The following TPCN2 variants were observed in gnomAD, a reference collection of about 807,000 sequenced individuals.
TPCN2 encodes two pore channel protein 2.
In TPCN2, 92 loss-of-function variants were observed where a neutral mutation model predicts 111.4. That is an observed-to-expected ratio of 0.83 (90% confidence interval 0.70 to 0.98). The LOEUF (loss-of-function observed/expected upper bound fraction) is 0.98. TPCN2 is among the 50% of genes least tolerant of loss of function. The pLI is 0.00. For synonymous variants in TPCN2, 405 were observed against 414.5 expected (o/e 0.98, Z 0.28); for missense variants, 995 against 980.1 (o/e 1.02, Z -0.20).
rs139760549 is a variant in TPCN2 at position 69,062,978 on chromosome 11, C to T, written c.641C>T (p.Pro214Leu). The change falls in exon 6 of 25, where the codon CCG becomes CTG. Residue 214 changes from proline (P) to leucine (L), a missense_variant. By Grantham distance (98) the Pro-to-Leu change is moderately conservative. Coordinates refer to ENST00000294309, the MANE Select transcript of TPCN2 (RefSeq NM_139075.4). ...KTLKCIRWSL[P>L]EMASVGLLLA... is the part of the protein sequence containing the mutation. Reference sequence around the variant, plus strand: ...TTGAAATGCATCCGCTGGTCGCTGCCGGAAATGGCCAGGTGGGCTCTTGGT... The same window carrying T: ...TTGAAATGCATCCGCTGGTCGCTGCTGGAAATGGCCAGGTGGGCTCTTGGT... The T allele has an allele frequency of 6.8e-5, 109 of 1,613,766 alleles. No individual in the cohort carries two copies. Among genetic ancestry groups the T allele is most frequent in the Middle Eastern group, 1.6e-4 (1 of 6,080 alleles).
At chr11:69,073,701 G>T (rs1234311860) in intron 13 of TPCN2, among the ~76,000 whole-genome samples, 3 of 152,222 alleles carry the variant, frequency 2.0e-5, no homozygotes, top group African/African-American at 4.8e-5. Flanking sequence ...CACAGGGCTG[G>T]TTCCTCCTGA....
chr11:69,075,122 G>T (rs181524798), intron 13 of TPCN2, among the ~76,000 whole-genome samples: 4 of 152,268 alleles, frequency 2.6e-5, no homozygotes, highest in Admixed American at 2.6e-4. Flanking sequence ...TGGAGGTCCC[G>T]GCGATGCTCT....
At chr11:69,065,528 C>T (rs559321137) in intron 7 of TPCN2, among the ~76,000 whole-genome samples, 3 of 152,180 alleles carry the variant, frequency 2.0e-5, no homozygotes, top group Admixed American at 6.5e-5. Flanking sequence ...GATCCCTGTC[C>T]GAGGCAGGAC....
chr11:69,080,959 G>A (rs533153998), intron 17 of TPCN2, among the ~76,000 whole-genome samples: 12 of 152,266 alleles, frequency 7.9e-5, no homozygotes, highest in African/African-American at 2.9e-4. Flanking sequence ...AGGGTCATGG[G>A]ACAGGAGGTG....
Position 69,067,485 on chromosome 11 carries a change from T to G in TPCN2, c.727-18T>G. The G allele has an allele frequency of 6.2e-7, 1 of 1,609,044 alleles. No homozygotes were observed. The highest frequency in any genetic ancestry group is 1.1e-5 in the South Asian group (1 of 91,044). ...TGGGGACCCAGTGGTGCCCTGGAGC[T>G]GCCGCTTCTGCTCTTAGCAGGATGA... is the stretch of plus-strand genomic sequence containing the variant. On this transcript the variant is annotated intron_variant, in intron 7 of 24. Transcript: ENST00000294309.
chr11:69,085,570 T>G, intron 20 of TPCN2, 101 bp from the exon 21 acceptor site: 1 of 858,124 alleles, frequency 1.2e-6, no homozygotes, highest in Non-Finnish European at 1.9e-6. Context: ...ATTTGTACCT[T>G]CAGGCCAGGC....
At chr11:69,070,550 A>T in intron 9 of TPCN2, 55 bp downstream of exon 9, 1 of 1,363,492 alleles carries the variant, frequency 7.3e-7, no homozygotes, top group South Asian at 1.3e-5. Flanking sequence ...GAGCTCAGGG[A>T]CCGATACACC....
chr11:69,078,230 G>T (rs1481020622), intron 13 of TPCN2, among the ~76,000 whole-genome samples: 1 of 151,904 alleles, frequency 6.6e-6, no homozygotes, highest in Non-Finnish European at 1.5e-5. Flanking sequence ...TCACAACATG[G>T]TTTACTTACA....
At position 69,088,051 on chromosome 11, in the gene TPCN2, C is replaced by A; in HGVS notation, c.*98C>A. 3 of 1,055,258 alleles carry A rather than the reference C, an allele frequency of 2.8e-6. No individual in the cohort carries two copies. Among genetic ancestry groups the A allele is most frequent in the Non-Finnish European group, 4.1e-6 (3 of 733,342 alleles). The allele number at this position is 1,055,258 out of a possible 1,614,324, so 65.4% of individuals were successfully genotyped here. A position where few individuals can be genotyped will look rare whatever the true frequency, so the allele number is the denominator to read the frequency against. The stretch of plus-strand genomic sequence containing the variant: ...GGCGGCCATGCTGTGGCCAGCCAGG[C>A]AGGAAGAGACCTTTCCTCTGACGGA... On this transcript the variant is annotated 3_prime_UTR_variant, in exon 25 of 25. Transcript: ENST00000294309.
At chr11:69,062,286 G>A (rs1855056489) in intron 5 of TPCN2, among the ~76,000 whole-genome samples, 1 of 152,144 alleles carries the variant, frequency 6.6e-6, no homozygotes, top group African/African-American at 2.4e-5. Context: ...CTTCCAACAC[G>A]GGGAGTCAGA....
At chr11:69,054,129 T>TG (rs774896833) in intron 2 of TPCN2, 32 bp downstream of exon 2, 3 of 1,593,820 alleles carry the variant, frequency 1.9e-6, no homozygotes, top group Non-Finnish European at 2.6e-6. Context: ...TGGCCGGGCC[T>TG]GGGGGGTGGC....
At chr11:69,072,894 C>T in intron 12 of TPCN2, 21 bp from the exon 13 acceptor site, 2 of 1,600,858 alleles carry the variant, frequency 1.2e-6, no homozygotes, top group Non-Finnish European at 8.6e-7. Flanking sequence ...CCCCTGCTGA[C>T]CTGTGCTCCT....
In TPCN2 at chr11:69,071,912, C is replaced by T. The variant is rs1255937781; in HGVS notation, c.961-11C>T. 5 of 1,613,270 alleles carry T rather than the reference C, an allele frequency of 3.1e-6. No individual in the cohort carries two copies. The highest frequency in any genetic ancestry group is 1.7e-4 in the Middle Eastern group (1 of 6,058). On this transcript the variant is annotated splice_polypyrimidine_tract_variant and intron_variant, in intron 10 of 24. Transcript: ENST00000294309. Reference sequence around the variant, plus strand: ...GGCTGATCCTGCCGTTCATAGCCTTCCTCTTTGCAGAAATCTCTCCAGACC... The same window carrying T: ...GGCTGATCCTGCCGTTCATAGCCTTTCTCTTTGCAGAAATCTCTCCAGACC...
At chr11:69,061,567 G>A (rs1048015008) in intron 5 of TPCN2, among the ~76,000 whole-genome samples, 3 of 152,198 alleles carry the variant, frequency 2.0e-5, no homozygotes, top group Non-Finnish European at 4.4e-5. Flanking sequence ...CAGCACAGGC[G>A]GATCGGGCAG....
In TPCN2 at chr11:69,054,756, G is replaced by A. The variant is rs1260809927; in HGVS notation, c.210G>A (p.Ser70=). 3.1e-6 allele frequency: 5 copies of A among 1,614,154 alleles called. No homozygotes were observed. Among genetic ancestry groups the A allele is most frequent in the South Asian group, 2.2e-5 (2 of 91,078 alleles). The change falls in exon 3 of 25, where the codon TCG becomes TCA. Residue 70 remains serine (S), a synonymous_variant. Coordinates refer to ENST00000294309, the MANE Select transcript of TPCN2 (RefSeq NM_139075.4). ...RSINHRVDAS[S]MWLYRRYYSN... is the part of the protein sequence containing the mutation. ...TCAACCACCGGGTGGATGCCAGCTC[G>A]ATGTGGCTTTACCGACGGTATTACT...
chr11:69,066,128 A>G (rs1426459341), intron 7 of TPCN2, among the ~76,000 whole-genome samples: 2 of 151,492 alleles, frequency 1.3e-5, no homozygotes, highest in Non-Finnish European at 2.9e-5. Flanking sequence ...CCTGGCCCTA[A>G]ACCTTGCTCC....
In TPCN2 at chr11:69,081,572, G is replaced by T. The variant is rs1856013841; in HGVS notation, c.1689+73G>T. On this transcript the variant is annotated intron_variant, in intron 18 of 24. Coordinates refer to ENST00000294309, the MANE Select transcript of TPCN2 (RefSeq NM_139075.4). ...TGCTGCGTTGCTCCAGGGTGGGTGA[G>T]CCTGGGGCAGGAAGGGCCCGAGGAC... 4.2e-6 allele frequency: 5 copies of T among 1,191,396 alleles called. No homozygotes were observed. The South Asian group carries it at 5.8e-5, about 14-fold the overall frequency. 73.8% of individuals were successfully genotyped at this position (1,191,396 alleles called of 1,614,324 possible).
intron 3 of TPCN2, 87 bp downstream of exon 3, chr11:69,054,884 C>T: frequency 1.5e-6 from 2 of 1,375,450 alleles, no homozygotes; most frequent in Admixed American, 3.8e-5. Context: ...CACCTGGTCT[C>T]AGGGTCCAGG....
At chr11:69,059,632 C>T (rs960785866) in intron 5 of TPCN2, among the ~76,000 whole-genome samples, 7 of 152,244 alleles carry the variant, frequency 4.6e-5, no homozygotes, top group Non-Finnish European at 7.3e-5. Context: ...GGGCCCGCGC[C>T]GGGGCTGCCC....
Sources: allele counts gnomAD v4.1 joint callset (sites outside exome capture counted in the v4.1 genomes callset), GRCh38; gene constraint gnomAD v4.1.1; transcripts MANE v1.5; gene names NCBI Gene and HGNC (gene_info 2026-07-23, HGNC 2026-07-21).